The following COX16 variants were observed in gnomAD, a reference collection of about 807,000 sequenced individuals.
The protein encoded by COX16 is cytochrome c oxidase assembly protein COX16 homolog, mitochondrial.
Under a neutral mutation model 15.4 loss-of-function variants are expected in COX16, and 12 were observed. That is an observed-to-expected ratio of 0.78 (90% CI 0.50 to 1.26). COX16 has a LOEUF of 1.26. Ranked by LOEUF, COX16 falls within the 50% of genes most tolerant of loss-of-function variation. The pLI, the probability that COX16 is intolerant of heterozygous loss-of-function variation, is 0.00. For synonymous variants in COX16, 46 were observed against 41.1 expected (o/e 1.12, Z -0.46); for missense variants, 124 against 127.6 (o/e 0.97, Z 0.14).
chr14:70,329,022 G>A, intron 3 of COX16, 152 bp downstream of exon 3: 1 of 570,528 alleles, frequency 1.8e-6, no homozygotes, highest in Non-Finnish European at 2.7e-6. Context: ...ATTAAGTATG[G>A]ATCCATCTTT....
intron 3 of COX16, 93 bp from the exon 4 acceptor site, chr14:70,326,542 A>G (rs1886083674): frequency 1.1e-6 from 1 of 886,686 alleles, no homozygotes; most frequent in African/African-American, 1.8e-5. Flanking sequence ...AAATGAGTAG[A>G]AAGTATCCGA....
intron 2 of COX16, among the ~76,000 whole-genome samples, chr14:70,332,784 T>C (rs190771860): frequency 2.0e-5 from 3 of 152,330 alleles, no homozygotes; most frequent in Non-Finnish European, 2.9e-5. Flanking sequence ...CAGTCTCAAC[T>C]CCAGTCCCTT....
intron 2 of COX16, among the ~76,000 whole-genome samples, chr14:70,340,316 C>G (rs1171707111): frequency 6.6e-6 from 1 of 152,132 alleles, no homozygotes; most frequent in Non-Finnish European, 1.5e-5. Flanking sequence ...TGAGGCCTCC[C>G]CAGTCTTGTG....
intron 1 of COX16, among the ~76,000 whole-genome samples, chr14:70,354,395 T>G (rs1256716762): frequency 1.3e-5 from 2 of 152,218 alleles, no homozygotes; most frequent in African/African-American, 4.8e-5. Context: ...GGCTTTGAGC[T>G]ATGTGATATC....
At chr14:70,327,030 C>G (rs1413514570) in intron 3 of COX16, among the ~76,000 whole-genome samples, 1 of 152,114 alleles carries the variant, frequency 6.6e-6, no homozygotes, top group African/African-American at 2.4e-5. Flanking sequence ...CTCTCAAGCA[C>G]AAAAATAGTT....
At chr14:70,336,965 A>AATTT (rs1886475394) in intron 2 of COX16, among the ~76,000 whole-genome samples, 1 of 152,156 alleles carries the variant, frequency 6.6e-6, no homozygotes, top group South Asian at 2.1e-4. Flanking sequence ...AGACCCACTA[A>AATTT]AGGAAGGGTT....
At chr14:70,352,651 T>C (rs1212698986) in intron 1 of COX16, among the ~76,000 whole-genome samples, 4 of 141,342 alleles carry the variant, frequency 2.8e-5, no homozygotes, top group South Asian at 2.4e-4. Flanking sequence ...TTTTCTTTTT[T>C]TTTTTTTTTT....
At chr14:70,352,009 A>G (rs1886970299) in intron 1 of COX16, among the ~76,000 whole-genome samples, 1 of 152,196 alleles carries the variant, frequency 6.6e-6, no homozygotes, top group African/African-American at 2.4e-5. Context: ...TAAAGCAGCA[A>G]TGACAATTTG....
intron 2 of COX16, among the ~76,000 whole-genome samples, chr14:70,341,569 C>G (rs1454715199): frequency 1.3e-5 from 2 of 152,186 alleles, no homozygotes; most frequent in Admixed American, 1.3e-4. Context: ...AATCCTAGCT[C>G]TACCCCTAAG....
At chr14:70,354,047 T>C (rs972671790) in intron 1 of COX16, among the ~76,000 whole-genome samples, 11 of 152,006 alleles carry the variant, frequency 7.2e-5, no homozygotes, top group Non-Finnish European at 1.5e-5. Context: ...TATGGTAGCT[T>C]ATCCCTGTAA....
intron 1 of COX16, among the ~76,000 whole-genome samples, chr14:70,356,406 T>TGC (rs1887127925): frequency 6.6e-6 from 1 of 152,150 alleles, no homozygotes; most frequent in African/African-American, 2.4e-5. Context: ...ACTCACCTAC[T>TGC]GCTCACCTCC....
At chr14:70,356,601 C>A (rs926921126) in intron 1 of COX16, among the ~76,000 whole-genome samples, 2 of 152,016 alleles carry the variant, frequency 1.3e-5, no homozygotes, top group Admixed American at 6.6e-5. Context: ...ATGACGAAGA[C>A]CTCAAAGGAA....
At chr14:70,359,208 A>C (rs1312608431) in intron 1 of COX16, 1 of 501,448 alleles carries the variant, frequency 2.0e-6, no homozygotes, top group Admixed American at 2.3e-5. Flanking sequence ...TCTGAGCTTC[A>C]ATTTACTTAA....
At chr14:70,334,709 G>C (rs1234034603) in intron 2 of COX16, among the ~76,000 whole-genome samples, 1 of 151,966 alleles carries the variant, frequency 6.6e-6, no homozygotes, top group Admixed American at 6.6e-5. Flanking sequence ...ATCCGTAACA[G>C]ATACACTAAA....
intron 2 of COX16, among the ~76,000 whole-genome samples, chr14:70,330,796 T>G (rs998922744): frequency 1.3e-5 from 2 of 152,174 alleles, no homozygotes; most frequent in Non-Finnish European, 2.9e-5. Context: ...TTGTCAATAT[T>G]TGATGATTGC....
At chr14:70,348,769 C>T (rs903376147) in intron 1 of COX16, among the ~76,000 whole-genome samples, 2 of 152,160 alleles carry the variant, frequency 1.3e-5, no homozygotes, top group Admixed American at 6.5e-5. Flanking sequence ...CTGCAAAAAA[C>T]ACTCCTGTCA....
intron 2 of COX16, among the ~76,000 whole-genome samples, chr14:70,336,100 C>G (rs1379265541): frequency 6.6e-6 from 1 of 151,894 alleles, no homozygotes; most frequent in Non-Finnish European, 1.5e-5. Context: ...ACTAAAAATA[C>G]AAAAAATTAG....
At chr14:70,348,735 T>C (rs1039825014) in intron 1 of COX16, among the ~76,000 whole-genome samples, 1 of 152,326 alleles carries the variant, frequency 6.6e-6, no homozygotes, top group Admixed American at 6.5e-5. Context: ...CACTCGTCTA[T>C]GTGGAAAGAA....
In COX16 at chr14:70,351,064, T is replaced by C. The variant is rs182537168; in HGVS notation, c.70-8335A>G. On this transcript the variant is annotated intron_variant, in intron 1 of 3. Transcript: ENST00000389912. ...TCAAAAGCTTAGCCCTTCTACTAAA[T>C]GACTGAAGCCATTCTTCAAGGGGGG... Among the ~76,000 whole-genome samples, 575 of 152,330 alleles carry C rather than the reference T, an allele frequency of 3.8e-3. 4 individuals carry two copies. Among genetic ancestry groups the C allele is most frequent in the South Asian group, 0.025 (121 of 4,830 alleles).
Sources: gnomAD v4.1 joint callset for allele counts (sites outside exome capture counted in the v4.1 genomes callset) on GRCh38, gnomAD v4.1.1 for gene constraint, MANE v1.5 for transcripts, NCBI Gene and HGNC (gene_info 2026-07-23, HGNC 2026-07-21) for gene names.